The following ERC2 variants were observed in gnomAD, a reference collection of about 807,000 sequenced individuals.
ERC2 encodes the protein ERC protein 2.
Under a neutral mutation model 114.8 loss-of-function variants are expected in ERC2, and 42 were observed. The observed-to-expected ratio is 0.37, with a 90% confidence interval of 0.29 to 0.47. The LOEUF (loss-of-function observed/expected upper bound fraction) is 0.47. Ranked by LOEUF, ERC2 falls within the 20% of genes least tolerant of loss-of-function variation. The pLI is 0.99. For missense variants in ERC2, 939 were observed against 1,150.7 expected, an observed-to-expected ratio of 0.82 and a Z score of 2.66; for synonymous variants, 454 against 425.5, an observed-to-expected ratio of 1.07 and a Z score of -0.82.
chr3:56,094,150 T>C (rs1267323328), intron 6 of ERC2, among the ~76,000 whole-genome samples: 1 of 152,232 alleles, frequency 6.6e-6, no homozygotes, highest in African/African-American at 2.4e-5. Flanking sequence ...AAGGCTGTTC[T>C]AAAGTATCTT....
intron 7 of ERC2, among the ~76,000 whole-genome samples, chr3:56,045,712 T>C (rs1237271941): frequency 6.6e-6 from 1 of 152,190 alleles, no homozygotes; most frequent in Non-Finnish European, 1.5e-5. Context: ...CAAAAATTCC[T>C]CTCAAGAATT....
intron 13 of ERC2, among the ~76,000 whole-genome samples, chr3:55,923,381 G>A (rs1226420948): frequency 6.6e-6 from 1 of 152,024 alleles, no homozygotes; most frequent in African/African-American, 2.4e-5. Context: ...GGGACCAGGG[G>A]TATGAGGTTA....
Position 55,994,316 on chromosome 3 carries a change from T to C in ERC2, c.2062-2066A>G, listed in dbSNP as rs558042206. On this transcript the variant is annotated intron_variant, in intron 10 of 17. Transcript: ENST00000288221. Reference sequence around the variant, plus strand: ...CTTTCCTGATGCTAATTTTTAAAAGTTCACAAATAGCTAGCAGTTAGTTGC... The same window carrying C: ...CTTTCCTGATGCTAATTTTTAAAAGCTCACAAATAGCTAGCAGTTAGTTGC... 2.6e-5 allele frequency among the ~76,000 whole-genome samples: 4 copies of C among 152,244 alleles called. No individual in the cohort carries two copies. In the East Asian group the frequency reaches 7.7e-4, roughly 29 times the overall value.
At chr3:56,026,667 T>C (rs2074073272) in intron 7 of ERC2, among the ~76,000 whole-genome samples, 1 of 152,180 alleles carries the variant, frequency 6.6e-6, no homozygotes, top group Admixed American at 6.5e-5. Flanking sequence ...TAAGAAATAA[T>C]ACAAAGAGAG....
chr3:55,663,214 C>CA (rs971264389), intron 17 of ERC2, among the ~76,000 whole-genome samples: 11 of 152,080 alleles, frequency 7.2e-5, no homozygotes, highest in Non-Finnish European at 1.3e-4. Context: ...CAGAACCAAA[C>CA]AAAAAAATTC....
chr3:55,567,231 T>C (rs576163761), intron 17 of ERC2, among the ~76,000 whole-genome samples: 108 of 151,344 alleles, frequency 7.1e-4, no homozygotes, highest in Middle Eastern at 3.4e-3. Flanking sequence ...GTGAGGAGAG[T>C]TGTGAGTTGG....
At chr3:56,369,650 T>C (rs2059286953) in intron 2 of ERC2, among the ~76,000 whole-genome samples, 1 of 152,140 alleles carries the variant, frequency 6.6e-6, no homozygotes, top group East Asian at 1.9e-4. Flanking sequence ...CTTTTTGTCC[T>C]GTATCTCCAT....
At chr3:55,809,651 G>A (rs909579112) in intron 14 of ERC2, among the ~76,000 whole-genome samples, 6 of 152,028 alleles carry the variant, frequency 3.9e-5, no homozygotes, top group African/African-American at 9.7e-5. Context: ...AACATAAAAG[G>A]ATATTCCCCA....
chr3:55,640,622 G>A (rs1296643838), intron 17 of ERC2, among the ~76,000 whole-genome samples: 1 of 152,180 alleles, frequency 6.6e-6, no homozygotes, highest in Non-Finnish European at 1.5e-5. Context: ...GGAGGCTGTG[G>A]TAAGGGCATG....
At chr3:56,067,520 C>T (rs2076537608) in intron 7 of ERC2, among the ~76,000 whole-genome samples, 2 of 152,088 alleles carry the variant, frequency 1.3e-5, no homozygotes, top group Admixed American at 1.3e-4. Flanking sequence ...TTCCTCATTT[C>T]CTATTTGAAT....
intron 2 of ERC2, among the ~76,000 whole-genome samples, chr3:56,301,618 C>G (rs1032904699): frequency 3.9e-5 from 6 of 152,024 alleles, no homozygotes; most frequent in Non-Finnish European, 8.8e-5. Context: ...TGCCTATAGT[C>G]CCAGCTACTT....
At chr3:56,320,807 A>G (rs570400463) in intron 2 of ERC2, among the ~76,000 whole-genome samples, 3 of 152,342 alleles carry the variant, frequency 2.0e-5, no homozygotes, top group East Asian at 1.9e-4. Flanking sequence ...GAGTGGGAGC[A>G]TATCAGTCAG....
intron 14 of ERC2, among the ~76,000 whole-genome samples, chr3:55,749,910 C>A (rs1197530578): frequency 1.3e-5 from 2 of 152,130 alleles, no homozygotes; most frequent in Non-Finnish European, 2.9e-5. Flanking sequence ...AGACCACGAA[C>A]CCACCAGCAG....
intron 16 of ERC2, among the ~76,000 whole-genome samples, chr3:55,697,799 T>C (rs2063012780): frequency 6.6e-6 from 1 of 152,018 alleles, no homozygotes; most frequent in Non-Finnish European, 1.5e-5. Context: ...GATGGTCTTC[T>C]AGCATGTGTG....
chr3:55,591,531 A>G (rs1434620635), intron 17 of ERC2, among the ~76,000 whole-genome samples: 1 of 151,864 alleles, frequency 6.6e-6, no homozygotes, highest in Non-Finnish European at 1.5e-5. Flanking sequence ...CAAGCAGGCC[A>G]GGAGCTATTT....
intron 4 of ERC2, among the ~76,000 whole-genome samples, chr3:56,150,423 C>A (rs780307625): frequency 1.3e-5 from 2 of 152,054 alleles, no homozygotes; most frequent in Admixed American, 6.6e-5. Context: ...AAAGAAGGAG[C>A]AGTAAATTTA....
chr3:55,581,499 A>G (rs2057259386), intron 17 of ERC2, among the ~76,000 whole-genome samples: 1 of 152,084 alleles, frequency 6.6e-6, no homozygotes, highest in South Asian at 2.1e-4. Context: ...ATGCACAGGT[A>G]AGAGTGGCAG....
chr3:55,580,473 A>G (rs2057206046), intron 17 of ERC2, among the ~76,000 whole-genome samples: 1 of 152,206 alleles, frequency 6.6e-6, no homozygotes, highest in Non-Finnish European at 1.5e-5. Flanking sequence ...TGCCTGGATC[A>G]GGGGTCCTCA....
At chr3:56,416,868 A>G (rs1666477918) in intron 2 of ERC2, among the ~76,000 whole-genome samples, 1 of 152,158 alleles carries the variant, frequency 6.6e-6, no homozygotes, top group African/African-American at 2.4e-5. Flanking sequence ...CATTTCAGTC[A>G]TTCAGTCATC....
Sources: gnomAD v4.1 joint callset for allele counts (sites outside exome capture counted in the v4.1 genomes callset) on GRCh38, gnomAD v4.1.1 for gene constraint, MANE v1.5 for transcripts, NCBI Gene and HGNC (gene_info 2026-07-23, HGNC 2026-07-21) for gene names.